Variants in CHSY3 observed in about 807,000 individuals in gnomAD.
CHSY3 encodes N-acetylgalactosaminyl-proteoglycan 3-beta-glucuronosyltransferase 3.
CHSY3 carries 35 observed loss-of-function variants against 67.2 expected under a neutral mutation model. The ratio of observed to expected loss-of-function variants is 0.52; its 90% CI spans 0.40 to 0.69. The LOEUF is 0.69. Ranked by LOEUF, CHSY3 falls within the 30% of genes least tolerant of loss-of-function variation. CHSY3 has a pLI of 0.00. For missense variants in CHSY3, 1,069 were observed against 1,138.5 expected, an observed-to-expected ratio of 0.94 and a Z score of 0.88; for synonymous variants, 474 against 434.7, an observed-to-expected ratio of 1.09 and a Z score of -1.12.
At chr5:130,077,303 G>T (rs1311885018) in intron 2 of CHSY3, among the ~76,000 whole-genome samples, 1 of 151,886 alleles carries the variant, frequency 6.6e-6, no homozygotes, top group Non-Finnish European at 1.5e-5. Flanking sequence ...TTTTAACCAT[G>T]TTTACGGTAG....
intron 2 of CHSY3, among the ~76,000 whole-genome samples, chr5:130,094,544 A>T (rs997878197): frequency 6.6e-6 from 1 of 152,198 alleles, no homozygotes; most frequent in African/African-American, 2.4e-5. Flanking sequence ...AGAGTTTCTT[A>T]TACAGGGGTA....
chr5:130,070,799 C>G (rs1026044865), intron 2 of CHSY3, among the ~76,000 whole-genome samples: 2 of 152,024 alleles, frequency 1.3e-5, no homozygotes, highest in Non-Finnish European at 2.9e-5. Context: ...AATGTTAAAG[C>G]TGTTTTCAGC....
chr5:130,179,084 T>C (rs1213693019), intron 2 of CHSY3, among the ~76,000 whole-genome samples: 2 of 152,220 alleles, frequency 1.3e-5, no homozygotes, highest in African/African-American at 4.8e-5. Context: ...CTTTAAAGAT[T>C]CACTTTATTA....
At chr5:130,068,526 G>T (rs1765958319) in intron 2 of CHSY3, among the ~76,000 whole-genome samples, 1 of 152,110 alleles carries the variant, frequency 6.6e-6, no homozygotes, top group South Asian at 2.1e-4. Flanking sequence ...TCCTAGTACA[G>T]AAACCTTTGT....
rs1286594456 is a variant in CHSY3 at position 130,089,169 on chromosome 5, G to C, written c.1087-95060G>C. Among the ~76,000 whole-genome samples, 8 of 140,752 alleles carry C rather than the reference G, an allele frequency of 5.7e-5. No homozygotes were observed. The South Asian group carries it at 8.9e-4, about 16-fold the overall frequency. 92.3% of individuals were successfully genotyped at this position (140,752 alleles called of 152,430 possible). On this transcript the variant is annotated intron_variant, in intron 2 of 2. Transcript: ENST00000305031. ...TTCTCACTCATAGGTGGGAATTGAA[G>C]AGTGAGAACACATGGACACAGGAAG...
chr5:130,159,163 T>TC, intron 2 of CHSY3, among the ~76,000 whole-genome samples: 1 of 49,264 alleles, frequency 2.0e-5, no homozygotes. Flanking sequence ...AGATTTGTCT[T>TC]TTTTTTTTTT....
intron 2 of CHSY3, among the ~76,000 whole-genome samples, chr5:130,007,270 C>G (rs1452205507): frequency 6.6e-6 from 1 of 152,124 alleles, no homozygotes; most frequent in Non-Finnish European, 1.5e-5. Flanking sequence ...TTAAAAGATA[C>G]TGTCACTGCT....
intron 2 of CHSY3, among the ~76,000 whole-genome samples, chr5:130,027,800 C>T (rs1465645262): frequency 6.6e-6 from 1 of 152,152 alleles, no homozygotes; most frequent in Non-Finnish European, 1.5e-5. Context: ...AGGACATGAA[C>T]TCATCCATTT....
chr5:130,143,804 A>ATATATGTG (rs1356600752), intron 2 of CHSY3, among the ~76,000 whole-genome samples: 2 of 37,378 alleles, frequency 5.4e-5, no homozygotes, highest in Non-Finnish European at 1.1e-4. Context: ...ATATATATAT[A>ATATATGTG]TGTGTGTATA....
chr5:130,129,306 G>T lies in CHSY3; in HGVS notation c.1087-54923G>T, dbSNP rs558155000. 5.3e-4 allele frequency among the ~76,000 whole-genome samples: 81 copies of T among 152,218 alleles called. 1 individual carries two copies. The highest frequency in any genetic ancestry group is 1.0e-3 in the Non-Finnish European group (68 of 67,988). ...GCTCTAAAAGGATTGGTTTCACAAA[G>T]ATCTCTACTCATGATGTGCCATGGT... On this transcript the variant is annotated intron_variant, in intron 2 of 2. Transcript: ENST00000305031.
intron 2 of CHSY3, among the ~76,000 whole-genome samples, chr5:130,086,733 C>T (rs1320482071): frequency 6.6e-6 from 1 of 152,066 alleles, no homozygotes; most frequent in Non-Finnish European, 1.5e-5. Flanking sequence ...CAATAGCTTA[C>T]CAACCAAAAA....
At chr5:129,920,397 C>A (rs1760881026) in intron 2 of CHSY3, among the ~76,000 whole-genome samples, 1 of 152,312 alleles carries the variant, frequency 6.6e-6, no homozygotes, top group East Asian at 1.9e-4. Flanking sequence ...AGACATGCGC[C>A]ACTACATCTG....
At chr5:130,107,139 T>G (rs1767435292) in intron 2 of CHSY3, among the ~76,000 whole-genome samples, 1 of 151,362 alleles carries the variant, frequency 6.6e-6, no homozygotes, top group Non-Finnish European at 1.5e-5. Flanking sequence ...CTTCAGTTAA[T>G]GTGCTTTTCA....
intron 2 of CHSY3, among the ~76,000 whole-genome samples, chr5:130,000,986 G>T (rs1763711521): frequency 6.6e-6 from 1 of 151,074 alleles, no homozygotes; most frequent in South Asian, 2.1e-4. Flanking sequence ...AGCCTGCAGG[G>T]TTCAAACGAT....
At chr5:129,975,998 T>TA (rs979565740) in intron 2 of CHSY3, among the ~76,000 whole-genome samples, 4 of 152,124 alleles carry the variant, frequency 2.6e-5, no homozygotes, top group Admixed American at 1.3e-4. Flanking sequence ...TCTTAGCTGT[T>TA]CTGACCACAT....
intron 2 of CHSY3, among the ~76,000 whole-genome samples, chr5:130,175,520 T>G (rs935952229): frequency 6.6e-6 from 1 of 152,208 alleles, no homozygotes; most frequent in Non-Finnish European, 1.5e-5. Context: ...AAATTTCATA[T>G]GGAATCAAAA....
intron 2 of CHSY3, among the ~76,000 whole-genome samples, chr5:130,020,457 ATATATTT>A (rs1459045484): frequency 1.4e-3 from 8 of 5,538 alleles, no homozygotes; most frequent in African/African-American, 2.7e-3. Context: ...ATATATATAT[ATATATTT>A]TTTTTTTTTT....
At chr5:129,930,291 C>A (rs1363249684) in intron 2 of CHSY3, among the ~76,000 whole-genome samples, 1 of 150,838 alleles carries the variant, frequency 6.6e-6, no homozygotes, top group East Asian at 1.9e-4. Context: ...CAAGGTCTCG[C>A]CACCGCACTA....
chr5:130,111,341 G>A (rs942039202), intron 2 of CHSY3, among the ~76,000 whole-genome samples: 7 of 152,000 alleles, frequency 4.6e-5, no homozygotes, highest in Admixed American at 1.3e-4. Context: ...TCACATTGAT[G>A]GTGGATTATC....
Sources: allele counts gnomAD v4.1 joint callset (sites outside exome capture counted in the v4.1 genomes callset), GRCh38; gene constraint gnomAD v4.1.1; transcripts MANE v1.5; gene names NCBI Gene and HGNC (gene_info 2026-07-23, HGNC 2026-07-21).